Variants in XKR4 observed in about 807,000 individuals in gnomAD.
XKR4 encodes XK-related protein 4.
XKR4 carries 12 observed loss-of-function variants against 53.9 expected under a neutral mutation model. The observed-to-expected ratio is 0.22, with a 90% CI of 0.14 to 0.36. The LOEUF is 0.36. Ranked by LOEUF, XKR4 falls within the 10% of genes least tolerant of loss-of-function variation. The pLI is 1.00. For missense variants in XKR4, 799 were observed against 859.5 expected (o/e 0.93, Z 0.88); for synonymous variants, 354 against 362.4 (o/e 0.98, Z 0.26).
chr8:55,428,598 A>G (rs778752236), intron 2 of XKR4, among the ~76,000 whole-genome samples: 1 of 152,314 alleles, frequency 6.6e-6, no homozygotes, highest in South Asian at 2.1e-4. Context: ...CATCCCTGCT[A>G]GGCAGCGAGT....
intron 1 of XKR4, among the ~76,000 whole-genome samples, chr8:55,278,272 G>C (rs557581916): frequency 2.9e-4 from 44 of 150,904 alleles, no homozygotes; most frequent in African/African-American, 1.0e-3. Flanking sequence ...TGGAGACGGA[G>C]GTTGCAGTGA....
At position 55,484,083 on chromosome 8, in the gene XKR4, G is replaced by T. The variant is rs375764035; in HGVS notation, c.1007-39198G>T. Among the ~76,000 whole-genome samples, 49 of 152,234 alleles carry T rather than the reference G, an allele frequency of 3.2e-4. No homozygotes were observed. In the South Asian group the frequency reaches 0.01, roughly 32 times the overall value. On this transcript the variant is annotated intron_variant, in intron 2 of 2. Transcript: ENST00000327381. Reference sequence around the variant, plus strand: ...AACACTACTCTCATAAAGCACTTAGGTGAAACGAACCAATTCCTTAAAACA... The same window carrying T: ...AACACTACTCTCATAAAGCACTTAGTTGAAACGAACCAATTCCTTAAAACA...
chr8:55,325,474 G>A (rs1002506668), intron 1 of XKR4, among the ~76,000 whole-genome samples: 1 of 152,110 alleles, frequency 6.6e-6, no homozygotes, highest in Non-Finnish European at 1.5e-5. Flanking sequence ...ATTGGCATGA[G>A]CAAATAATTT....
At position 55,534,238 on chromosome 8, in the gene XKR4, C is replaced by T. The variant is rs1806994530; in HGVS notation, c.*10011C>T. On this transcript the variant is annotated 3_prime_UTR_variant, in exon 3 of 3. Coordinates refer to ENST00000327381, the MANE Select transcript of XKR4 (RefSeq NM_052898.2). Reference sequence around the variant, plus strand: ...AGCTACTGAATAATTTGATTCCTGCCTTCTTAGGTGGTGACATTAGCAGTT... The same window carrying T: ...AGCTACTGAATAATTTGATTCCTGCTTTCTTAGGTGGTGACATTAGCAGTT... 6.6e-6 allele frequency: 1 copy of T among 151,768 alleles called. No homozygotes were observed. Among genetic ancestry groups the T allele is most frequent in the African/African-American group, 2.4e-5 (1 of 41,284 alleles). The allele number at this position is 151,768 out of a possible 1,614,324, so 9.4% of individuals were successfully genotyped here. A position where few individuals can be genotyped will look rare whatever the true frequency, so the allele number is the denominator to read the frequency against.
chr8:55,220,034 G>A (rs1273636582), intron 1 of XKR4, among the ~76,000 whole-genome samples: 1 of 152,048 alleles, frequency 6.6e-6, no homozygotes, highest in Non-Finnish European at 1.5e-5. Context: ...TATATTGTAT[G>A]TTTCAAAATT....
chr8:55,103,031 T>A lies in XKR4; in HGVS notation c.543T>A (p.Ala181=), dbSNP rs572566294. The part of the protein sequence containing the change: ...FSTEDSATAA[A]ASSCPQPGAD... ...CCGAGGACAGCGCCACGGCCGCTGC[T>A]GCCTCCAGCTGCCCGCAGCCTGGAG... Residue 181 remains alanine (A), a synonymous_variant, in exon 1 of 3, where the codon GCT becomes GCA. Coordinates refer to ENST00000327381, the MANE Select transcript of XKR4 (RefSeq NM_052898.2). The A allele has an allele frequency of 1.9e-6, 3 of 1,612,570 alleles. No homozygotes were observed. The highest frequency in any genetic ancestry group is 2.7e-5 in the African/African-American group (2 of 75,050).
At chr8:55,449,566 G>T in intron 2 of XKR4, 1 of 1,472,684 alleles carries the variant, frequency 6.8e-7, no homozygotes, top group Non-Finnish European at 9.5e-7. Flanking sequence ...CTGAGGGCAC[G>T]TCCTGGGCAC....
intron 1 of XKR4, among the ~76,000 whole-genome samples, chr8:55,354,152 A>G (rs1012739206): frequency 7.2e-5 from 11 of 152,204 alleles, no homozygotes; most frequent in African/African-American, 2.7e-4. Flanking sequence ...TATCAAAACC[A>G]TGCAGGAGAA....
At chr8:55,204,476 G>T (rs941102088) in intron 1 of XKR4, among the ~76,000 whole-genome samples, 10 of 152,176 alleles carry the variant, frequency 6.6e-5, no homozygotes, top group Non-Finnish European at 2.9e-5. Context: ...AAGCACAAAA[G>T]TTCCTTGACA....
chr8:55,452,162 G>A (rs1205005096), intron 2 of XKR4: 5 of 725,574 alleles, frequency 6.9e-6, no homozygotes, highest in Non-Finnish European at 1.2e-5. Context: ...GCAGCTGCTT[G>A]CAGAAGAGCT....
chr8:55,442,284 C>T (rs1049081532), intron 2 of XKR4, among the ~76,000 whole-genome samples: 2 of 152,152 alleles, frequency 1.3e-5, no homozygotes, highest in African/African-American at 2.4e-5. Flanking sequence ...AAATAGATAC[C>T]ACTTTATACT....
At chr8:55,269,270 T>C (rs1818654386) in intron 1 of XKR4, among the ~76,000 whole-genome samples, 1 of 152,030 alleles carries the variant, frequency 6.6e-6, no homozygotes, top group Non-Finnish European at 1.5e-5. Context: ...TTTCTCACTC[T>C]CTCTTTTTTT....
At chr8:55,475,385 TTTG>T (rs60246172) in intron 2 of XKR4, among the ~76,000 whole-genome samples, 38,525 of 149,410 alleles carry the variant, frequency 0.26, 5,309 homozygotes, top group Non-Finnish European at 0.31. Context: ...TTTTGCTTAT[TTTG>T]TTGTTGTTGT....
At chr8:55,386,052 C>T (rs2622547) in intron 2 of XKR4, among the ~76,000 whole-genome samples, 79,862 of 151,936 alleles carry the variant, frequency 0.53, 21,628 homozygotes, top group South Asian at 0.6. Context: ...AGTCTGAAGC[C>T]CTGTGAAATG....
intron 1 of XKR4, among the ~76,000 whole-genome samples, chr8:55,216,711 G>T (rs1817803918): frequency 7.3e-6 from 1 of 136,124 alleles, no homozygotes; most frequent in Non-Finnish European, 1.6e-5. Flanking sequence ...TGGGTGATAA[G>T]AGCGAAATTG....
At chr8:55,290,703 G>A (rs1172110576) in intron 1 of XKR4, among the ~76,000 whole-genome samples, 1 of 151,594 alleles carries the variant, frequency 6.6e-6, no homozygotes, top group Non-Finnish European at 1.5e-5. Context: ...TTCTCTTCAT[G>A]TTTTTGCCCA....
chr8:55,485,370 AC>A (rs1806176703), intron 2 of XKR4, among the ~76,000 whole-genome samples: 1 of 152,246 alleles, frequency 6.6e-6, no homozygotes, highest in African/African-American at 2.4e-5. Context: ...CAAGGAATAT[AC>A]AAAAACAAAC....
chr8:55,307,201 A>G (rs1806033155), intron 1 of XKR4, among the ~76,000 whole-genome samples: 1 of 152,224 alleles, frequency 6.6e-6, no homozygotes, highest in Non-Finnish European at 1.5e-5. Context: ...GGATGAAAAG[A>G]CATGCTGCGG....
chr8:55,200,327 C>T (rs557012449), intron 1 of XKR4, among the ~76,000 whole-genome samples: 2 of 152,172 alleles, frequency 1.3e-5, no homozygotes, highest in South Asian at 2.1e-4. Flanking sequence ...CTCGGCCTCC[C>T]AAAGTGCTGG....
Sources: allele counts gnomAD v4.1 joint callset (sites outside exome capture counted in the v4.1 genomes callset), GRCh38; gene constraint gnomAD v4.1.1; transcripts MANE v1.5; gene names NCBI Gene and HGNC (gene_info 2026-07-23, HGNC 2026-07-21).